NECAB1: variants seen among roughly 807,000 people sequenced by gnomAD.
NECAB1 encodes the protein N-terminal EF-hand calcium binding protein 1.
NECAB1 carries 29 observed loss-of-function variants against 57.5 expected under a neutral mutation model. The ratio of observed to expected loss-of-function variants is 0.50; its 90% CI spans 0.38 to 0.69. NECAB1 has a LOEUF of 0.69. NECAB1 is among the 30% of genes least tolerant of loss of function. The pLI is 0.00. For synonymous variants in NECAB1, 142 were observed against 147.7 expected (o/e 0.96, Z 0.28); for missense variants, 372 against 413.8 (o/e 0.90, Z 0.88).
rs916398004 is a variant in NECAB1 at position 90,792,105 on chromosome 8, A to G, written c.99+120A>G. The G allele has an allele frequency of 1.1e-5, 8 of 744,304 alleles. No individual in the cohort carries two copies. The African/African-American group carries it at 1.2e-4, about 11-fold the overall frequency. The allele number at this position is 744,304 out of a possible 1,614,324, so 46.1% of individuals were successfully genotyped here. A position where few individuals can be genotyped will look rare whatever the true frequency, so the allele number is the denominator to read the frequency against. On this transcript the variant is annotated intron_variant, in intron 1 of 12. Coordinates refer to ENST00000417640, the MANE Select transcript of NECAB1 (RefSeq NM_022351.5). ...CTTTGTCCCCAGAACACAGGCGAGA[A>G]CTACCGATGCAAATGCAGGAGGAAC... is the stretch of plus-strand genomic sequence containing the variant.
intron 4 of NECAB1, among the ~76,000 whole-genome samples, chr8:90,879,629 T>C (rs923006994): frequency 6.6e-6 from 1 of 152,204 alleles, no homozygotes; most frequent in Non-Finnish European, 1.5e-5. Flanking sequence ...TCATTATTTT[T>C]CCAACTTACG....
rs1190235319 is a variant in NECAB1, at chr8:90,909,437, CT to C, written c.358-8054del. 2.3e-4 allele frequency among the ~76,000 whole-genome samples: 35 copies of C among 151,950 alleles called. 1 individual carries two copies. The highest frequency in any genetic ancestry group is 6.8e-3 in the Middle Eastern group (2 of 294). ...CACCAGTATTTATGTTGAAGTCTCC[CT>C]GGTTGTTTTGGTTGTCTGCAGCTCA... On this transcript the variant is annotated intron_variant, in intron 5 of 12. Transcript: ENST00000417640.
chr8:90,952,402 G>GT (rs1372273673), intron 12 of NECAB1, among the ~76,000 whole-genome samples: 1 of 152,116 alleles, frequency 6.6e-6, no homozygotes, highest in Non-Finnish European at 1.5e-5. Context: ...AAGCAGTGGA[G>GT]TATCAAGGAA....
intron 1 of NECAB1, among the ~76,000 whole-genome samples, chr8:90,800,672 A>G (rs1811744890): frequency 1.3e-5 from 2 of 152,212 alleles, no homozygotes; most frequent in African/African-American, 4.8e-5. Flanking sequence ...CAATAACAAA[A>G]CGAATGACAG....
chr8:90,952,798 T>TTAAAA (rs1554578718), intron 12 of NECAB1, among the ~76,000 whole-genome samples: 3 of 138,144 alleles, frequency 2.2e-5, no homozygotes, highest in Non-Finnish European at 4.5e-5. Context: ...AATAATAAAA[T>TTAAAA]TAAAATAAAA....
intron 9 of NECAB1, among the ~76,000 whole-genome samples, chr8:90,935,983 G>A (rs990540316): frequency 1.3e-5 from 2 of 152,110 alleles, no homozygotes; most frequent in African/African-American, 2.4e-5. Context: ...TATGCTCTTT[G>A]GGAATAGACA....
In NECAB1 at chr8:90,958,532, C is replaced by A. The variant is rs560416657; in HGVS notation, c.*3020C>A. ...ATTGAACATTCTGAATCATTCTAAG[C>A]CTCTGGAGAGACTGTAATGATCCAT... On this transcript the variant is annotated 3_prime_UTR_variant, in exon 13 of 13. Transcript: ENST00000417640. 6.1e-4 allele frequency: 95 copies of A among 154,580 alleles called. 5 individuals are homozygous for A. In the South Asian group the frequency reaches 0.018, roughly 29 times the overall value. The allele number at this position is 154,580 out of a possible 1,614,324, so 9.6% of individuals were successfully genotyped here.
At chr8:90,799,717 A>G (rs917954929) in intron 1 of NECAB1, among the ~76,000 whole-genome samples, 1 of 152,260 alleles carries the variant, frequency 6.6e-6, no homozygotes, top group Admixed American at 6.5e-5. Context: ...GCCTTACTGT[A>G]TAGTTTGAAG....
In NECAB1 at chr8:90,955,112, T is replaced by TTATATATATATATATA. The variant is rs59244524; in HGVS notation, c.1031-353_1031-338dup. 1.4e-3 allele frequency among the ~76,000 whole-genome samples: 101 copies of TTATATATATATATATA among 70,788 alleles called. 5 individuals carry two copies. The highest frequency in any genetic ancestry group is 2.1e-3 in the East Asian group (3 of 1,420). 46.4% of individuals were successfully genotyped at this position (70,788 alleles called of 152,430 possible). On this transcript the variant is annotated intron_variant, in intron 12 of 12. Coordinates refer to ENST00000417640, the MANE Select transcript of NECAB1 (RefSeq NM_022351.5). ...ATTTCATAAATATTGGGTATATAAA[T>TTATATATATATATATA]TATATATATATATATATATATATAT...
chr8:90,950,375 C>A (rs1302612378), intron 11 of NECAB1, among the ~76,000 whole-genome samples: 1 of 151,816 alleles, frequency 6.6e-6, no homozygotes, highest in African/African-American at 2.4e-5. Flanking sequence ...AAATTCAAGA[C>A]GTTGTCAAAA....
intron 5 of NECAB1, among the ~76,000 whole-genome samples, chr8:90,913,559 GTC>G (rs1809879770): frequency 6.6e-6 from 1 of 152,090 alleles, no homozygotes; most frequent in Admixed American, 6.6e-5. Flanking sequence ...CTTTCTGCCA[GTC>G]TCTCAAATAC....
intron 5 of NECAB1, among the ~76,000 whole-genome samples, chr8:90,916,506 G>C (rs955248203): frequency 1.3e-5 from 2 of 152,088 alleles, no homozygotes; most frequent in Non-Finnish European, 2.9e-5. Flanking sequence ...ACCCTCAGTC[G>C]TTTTGTGTTT....
intron 5 of NECAB1, among the ~76,000 whole-genome samples, chr8:90,894,298 C>T (rs1809269910): frequency 6.6e-6 from 1 of 152,070 alleles, no homozygotes; most frequent in Non-Finnish European, 1.5e-5. Context: ...TTTTCACTTC[C>T]TTGTTAATTC....
At chr8:90,814,354 G>A (rs1188298189) in intron 2 of NECAB1, among the ~76,000 whole-genome samples, 4 of 152,124 alleles carry the variant, frequency 2.6e-5, no homozygotes, top group Non-Finnish European at 5.9e-5. Context: ...GCATTTGTCA[G>A]CTTTCTCCAC....
chr8:90,848,251 G>A (rs1812606517), intron 3 of NECAB1, among the ~76,000 whole-genome samples: 1 of 152,146 alleles, frequency 6.6e-6, no homozygotes, highest in Non-Finnish European at 1.5e-5. Context: ...TTCCCAGCAA[G>A]TTCCTCATCT....
chr8:90,797,596 C>T (rs1811684257), intron 1 of NECAB1, among the ~76,000 whole-genome samples: 2 of 152,158 alleles, frequency 1.3e-5, no homozygotes, highest in African/African-American at 4.8e-5. Context: ...CTCAAGGGCC[C>T]CTTCCAAGCA....
At chr8:90,935,630 C>G (rs949240049) in intron 9 of NECAB1, among the ~76,000 whole-genome samples, 1 of 152,024 alleles carries the variant, frequency 6.6e-6, no homozygotes, top group African/African-American at 2.4e-5. Context: ...AAACTATACT[C>G]CAGACAAAGG....
At chr8:90,955,140 A>G (rs1251987073) in intron 12 of NECAB1, among the ~76,000 whole-genome samples, 1 of 128,648 alleles carries the variant, frequency 7.8e-6, no homozygotes, top group African/African-American at 3.0e-5. Context: ...ATATATATAT[A>G]TATATATATG....
chr8:90,821,133 A>T (rs1403574099), intron 2 of NECAB1, among the ~76,000 whole-genome samples: 1 of 151,748 alleles, frequency 6.6e-6, no homozygotes, highest in Non-Finnish European at 1.5e-5. Context: ...CCCATCGCCC[A>T]TTGACTTTTC....
Sources: allele counts gnomAD v4.1 joint callset (sites outside exome capture counted in the v4.1 genomes callset), GRCh38; gene constraint gnomAD v4.1.1; transcripts MANE v1.5; gene names NCBI Gene and HGNC (gene_info 2026-07-23, HGNC 2026-07-21).